LPIN1: variants seen among roughly 807,000 people sequenced by gnomAD.
LPIN1 encodes the protein lipin 1.
In LPIN1, 71 loss-of-function variants were observed where a neutral mutation model predicts 107.5. The observed-to-expected ratio is 0.66, with a 90% CI of 0.55 to 0.80. LPIN1 has a LOEUF of 0.80. LPIN1 is among the 30% of genes least tolerant of loss of function. The pLI is 0.00. For synonymous variants in LPIN1, 445 were observed against 452.6 expected (o/e 0.98, Z 0.21); for missense variants, 1,043 against 1,160.6 (o/e 0.90, Z 1.47).
rs34409476 is a variant in LPIN1 at position 11,693,822 on chromosome 2, A to AT, written c.81+16124dup. 5.6e-3 allele frequency among the ~76,000 whole-genome samples: 107 copies of AT among 18,992 alleles called. 12 individuals are homozygous for AT. The highest frequency in any genetic ancestry group is 9.5e-3 in the Non-Finnish European group (94 of 9,882). The allele number at this position is 18,992 out of a possible 152,430, so 12.5% of individuals were successfully genotyped here. A position where few individuals can be genotyped will look rare whatever the true frequency, so the allele number is the denominator to read the frequency against. On this transcript the variant is annotated intron_variant, in intron 1 of 21. Transcript: ENST00000449576. Reference sequence around the variant, plus strand: ...TATATATATATATATATATATATATATTTTTTTTTTTTTTTTTTTTTTTTT... The same window carrying AT: ...TATATATATATATATATATATATATATTTTTTTTTTTTTTTTTTTTTTTTTT...
intron 1 of LPIN1, among the ~76,000 whole-genome samples, chr2:11,749,304 G>A (rs1181575588): frequency 1.3e-5 from 2 of 152,152 alleles, no homozygotes; most frequent in Non-Finnish European, 2.9e-5. Flanking sequence ...GTGTCGAGGG[G>A]ACACACCCAC....
intron 1 of LPIN1, chr2:11,741,318 A>G: frequency 6.8e-7 from 1 of 1,472,706 alleles, no homozygotes; most frequent in African/African-American, 1.4e-5. Flanking sequence ...GAGAAAAAGA[A>G]CATTTTGTGA....
Position 11,804,476 on chromosome 2 carries a change from G to A in LPIN1, c.2067G>A (p.Thr689=), listed in dbSNP as rs369684215. 27 of 1,614,080 alleles carry A rather than the reference G, an allele frequency of 1.7e-5. No individual in the cohort carries two copies. In the East Asian group the frequency reaches 3.6e-4, roughly 21 times the overall value. The change falls in exon 16 of 21, where the codon ACG becomes ACA. Residue 689 remains threonine, a synonymous_variant. Transcript: ENST00000674199. ...ACGACGTGGTTTTCAGTGTCACCAC[G>A]CAGTACCAAGGCACGTGCCGCTGTG... is the stretch of plus-strand genomic sequence containing the variant. The part of the protein sequence containing the change: ...GPNDVVFSVT[T]QYQGTCRCEG...
chr2:11,806,736 T>C (rs769091624), intron 17 of LPIN1, among the ~76,000 whole-genome samples: 2 of 152,210 alleles, frequency 1.3e-5, no homozygotes, highest in African/African-American at 2.4e-5. Context: ...AGGCTGAGAT[T>C]ATGGAAACAG....
At chr2:11,795,994 T>A (rs1676647788) in intron 14 of LPIN1, among the ~76,000 whole-genome samples, 1 of 152,222 alleles carries the variant, frequency 6.6e-6, no homozygotes, top group Non-Finnish European at 1.5e-5. Context: ...GTATTTGTGG[T>A]GTTTTGTCTT....
At chr2:11,799,061 G>A (rs1558258738) in intron 14 of LPIN1, among the ~76,000 whole-genome samples, 2 of 152,164 alleles carry the variant, frequency 1.3e-5, no homozygotes, top group South Asian at 2.1e-4. Flanking sequence ...TGGGGTGGGG[G>A]CCTCCGAAAA....
chr2:11,716,135 C>T (rs1201256426), intron 2 of LPIN1, among the ~76,000 whole-genome samples: 1 of 152,152 alleles, frequency 6.6e-6, no homozygotes, highest in African/African-American at 2.4e-5. Context: ...CACCGAACTG[C>T]AGTCCACAGT....
At chr2:11,767,687 G>T in intron 2 of LPIN1, 76 bp from the exon 3 acceptor site, 1 of 890,358 alleles carries the variant, frequency 1.1e-6, no homozygotes, top group Non-Finnish European at 1.9e-6. Context: ...TATCTGTGGA[G>T]ACTTGGCCGT....
intron 1 of LPIN1, among the ~76,000 whole-genome samples, chr2:11,747,226 C>A (rs920822480): frequency 6.6e-6 from 1 of 152,212 alleles, no homozygotes; most frequent in Non-Finnish European, 1.5e-5. Flanking sequence ...AGGTTGGAAT[C>A]CCGGTTCTCA....
At chr2:11,749,487 C>T (rs1005362554) in intron 1 of LPIN1, among the ~76,000 whole-genome samples, 3 of 152,154 alleles carry the variant, frequency 2.0e-5, no homozygotes, top group African/African-American at 7.2e-5. Context: ...GTCTGTCTCC[C>T]TACCTGTAAT....
rs554380163 is a variant in LPIN1 at position 11,762,244 on chromosome 2, G to A, written c.-9-3289G>A. 7.0e-4 allele frequency among the ~76,000 whole-genome samples: 107 copies of A among 152,204 alleles called. 1 individual carries two copies. Among genetic ancestry groups the A allele is most frequent in the African/African-American group, 2.6e-3 (106 of 41,538 alleles). The stretch of plus-strand genomic sequence containing the variant: ...CACAGGGCAAGGCGGTGGAGGCGGC[G>A]GTGGTGCTTCCATGCCCTCTCTAGC... On this transcript the variant is annotated intron_variant, in intron 1 of 20. Coordinates refer to ENST00000674199, the MANE Select transcript of LPIN1 (RefSeq NM_001349206.2).
rs142958447 is a variant in LPIN1 at position 11,790,664 on chromosome 2, TTAAC to T, written c.1714-1245_1714-1242del. 2.6e-3 allele frequency among the ~76,000 whole-genome samples: 392 copies of T among 152,344 alleles called. 1 individual carries two copies. Among genetic ancestry groups the T allele is most frequent in the African/African-American group, 9.0e-3 (374 of 41,580 alleles). On this transcript the variant is annotated intron_variant, in intron 12 of 20. Transcript: ENST00000674199. Reference sequence around the variant, plus strand: ...TACTGAATTATCCCAGGACCGTGTATTAACTAACCCTATCCTCCACTCAGAGGCA... The same window carrying T: ...TACTGAATTATCCCAGGACCGTGTATTAACCCTATCCTCCACTCAGAGGCA...
At chr2:11,691,536 T>TGGCTTCA (rs1193954324) in intron 1 of LPIN1, among the ~76,000 whole-genome samples, 1 of 152,162 alleles carries the variant, frequency 6.6e-6, no homozygotes, top group Non-Finnish European at 1.5e-5. Context: ...GCCGGGCCTG[T>TGGCTTCA]GGCTTCAGCT....
rs2148513149 is a variant in LPIN1, at chr2:11,697,616, C to T, written c.82-16140C>T. Among the ~76,000 whole-genome samples, 1 of 152,356 alleles carries T rather than the reference C, an allele frequency of 6.6e-6. No homozygotes were observed. Among genetic ancestry groups the T allele is most frequent in the South Asian group, 2.1e-4 (1 of 4,822 alleles). On this transcript the variant is annotated intron_variant, in intron 1 of 21. Coordinates refer to the LPIN1 transcript ENST00000449576. The surrounding 1 kb of genome is among the most constrained non-coding windows in gnomAD (Gnocchi z 4.6). ...TGCCTGCCACTGGTAGTGACCTGGCCTGGGGACAGGGAAAGGACGCCCATT... is the reference window on the plus strand; with the variant it reads ...TGCCTGCCACTGGTAGTGACCTGGCTTGGGGACAGGGAAAGGACGCCCATT...
rs34409476 is a variant in LPIN1, at chr2:11,693,822, ATTTTTTTTTTTTTTT to A, written c.81+16110_81+16124del. Among the ~76,000 whole-genome samples the A allele has an allele frequency of 7.4e-4, 14 of 18,974 alleles. 1 individual carries two copies. Among genetic ancestry groups the A allele is most frequent in the African/African-American group, 2.2e-3 (14 of 6,274 alleles). 12.4% of individuals were successfully genotyped at this position (18,974 alleles called of 152,430 possible). On this transcript the variant is annotated intron_variant, in intron 1 of 21. Transcript: ENST00000449576. ...TATATATATATATATATATATATAT[ATTTTTTTTTTTTTTT>A]TTTTTTTTTTTTTTTGAGATGGAGT... is the stretch of plus-strand genomic sequence containing the variant.
chr2:11,728,308 A>G (rs1182718954), intron 1 of LPIN1, among the ~76,000 whole-genome samples: 1 of 152,008 alleles, frequency 6.6e-6, no homozygotes. Flanking sequence ...CAATCTGACA[A>G]TCTCTGTCTT....
At chr2:11,718,094 G>T (rs565061602) in intron 2 of LPIN1, among the ~76,000 whole-genome samples, 1 of 152,250 alleles carries the variant, frequency 6.6e-6, no homozygotes, top group Non-Finnish European at 1.5e-5. Context: ...TCCTCCCACA[G>T]AGCTGTCCTC....
At chr2:11,678,606 G>A (rs183269515) in intron 1 of LPIN1, among the ~76,000 whole-genome samples, 51 of 152,280 alleles carry the variant, frequency 3.3e-4, no homozygotes, top group African/African-American at 9.4e-4. Flanking sequence ...CCAACCTCCC[G>A]CTGCTGGACC....
At chr2:11,805,627 C>T (rs1293014813) in intron 17 of LPIN1, 1 of 261,862 alleles carries the variant, frequency 3.8e-6, no homozygotes, top group Non-Finnish European at 7.5e-6. Context: ...AGTGCTCCAG[C>T]AAGTGGCCCA....
Sources: gnomAD v4.1 joint callset for allele counts (sites outside exome capture counted in the v4.1 genomes callset) on GRCh38, gnomAD v4.1.1 for gene constraint, Gnocchi (gnomAD v3.1) non-coding constraint, MANE v1.5 for transcripts, NCBI Gene and HGNC (gene_info 2026-07-23, HGNC 2026-07-21) for gene names.